CNTN1: variants seen among roughly 807,000 people sequenced by gnomAD.
The protein encoded by CNTN1 is contactin 1.
CNTN1 carries 38 observed loss-of-function variants against 126.4 expected under a neutral mutation model. The observed-to-expected ratio is 0.30, with a 90% confidence interval of 0.23 to 0.39. CNTN1 has a LOEUF of 0.39. Among genes scored for constraint, CNTN1 ranks in the 10% least tolerant of loss-of-function variants. CNTN1 has a pLI of 1.00. For synonymous variants in CNTN1, 413 were observed against 422.6 expected, an observed-to-expected ratio of 0.98 and a Z score of 0.28; for missense variants, 1,009 against 1,248.4, an observed-to-expected ratio of 0.81 and a Z score of 2.89.
intron 1 of CNTN1, among the ~76,000 whole-genome samples, chr12:40,802,932 T>A (rs149152707): frequency 6.6e-6 from 1 of 152,158 alleles, no homozygotes; most frequent in Non-Finnish European, 1.5e-5. Context: ...TTGCTTTGAT[T>A]ATCTTTGTCT....
At chr12:40,802,810 T>G (rs955718050) in intron 1 of CNTN1, among the ~76,000 whole-genome samples, 2 of 152,008 alleles carry the variant, frequency 1.3e-5, no homozygotes, top group African/African-American at 4.8e-5. Flanking sequence ...GATATTATCA[T>G]TCTTGGCACT....
At position 40,937,544 on chromosome 12, in the gene CNTN1, A is replaced by T. The variant is rs772365846; in HGVS notation, c.1111-26A>T. On this transcript the variant is annotated intron_variant, in intron 10 of 23. Coordinates refer to ENST00000551295, the MANE Select transcript of CNTN1 (RefSeq NM_001843.4). ...GTATTTCTATTAAAGTTCATTGAGA[A>T]TATGTTTCAATTTTATTCTTTTCAG... 10 of 1,383,036 alleles carry T rather than the reference A, an allele frequency of 7.2e-6. No homozygotes were observed. In the South Asian group the frequency reaches 1.2e-4, roughly 16 times the overall value. The allele number at this position is 1,383,036 out of a possible 1,614,324, so 85.7% of individuals were successfully genotyped here.
intron 1 of CNTN1, among the ~76,000 whole-genome samples, chr12:40,871,284 G>A (rs1478708104): frequency 6.6e-6 from 1 of 151,806 alleles, no homozygotes; most frequent in African/African-American, 2.4e-5. Context: ...AAGCAGGCTG[G>A]AGCTGAGATA....
At chr12:40,874,425 T>C (rs769097642) in intron 1 of CNTN1, among the ~76,000 whole-genome samples, 54 of 152,202 alleles carry the variant, frequency 3.5e-4, no homozygotes, top group Non-Finnish European at 5.9e-4. Flanking sequence ...TGTAGCTCAG[T>C]ATTTATCCTT....
intron 1 of CNTN1, among the ~76,000 whole-genome samples, chr12:40,778,987 A>T (rs116157633): frequency 0.011 from 1,689 of 151,410 alleles, 39 homozygotes; most frequent in African/African-American, 0.039. Context: ...ATATGGAAAA[A>T]TGACTAAAAA....
chr12:41,052,744 T>C (rs1420095788), intron 23 of CNTN1, among the ~76,000 whole-genome samples: 4 of 152,094 alleles, frequency 2.6e-5, no homozygotes, highest in African/African-American at 9.7e-5. Flanking sequence ...ATAAATACTG[T>C]TGGATTACAA....
intron 4 of CNTN1, among the ~76,000 whole-genome samples, chr12:40,921,306 A>G (rs1945435244): frequency 6.6e-6 from 1 of 152,198 alleles, no homozygotes; most frequent in Admixed American, 6.5e-5. Context: ...GCCACGAGCC[A>G]CTACTACTTG....
intron 15 of CNTN1, chr12:40,971,308 A>C: frequency 2.6e-6 from 2 of 769,550 alleles, no homozygotes; most frequent in South Asian, 3.5e-5. Context: ...AGGGGAAGAT[A>C]CCTTTCTGTG....
intron 1 of CNTN1, among the ~76,000 whole-genome samples, chr12:40,747,352 G>GGTGGTCA (rs1165940763): frequency 3.6e-5 from 5 of 140,310 alleles, no homozygotes; most frequent in African/African-American, 1.1e-4. Context: ...TTTTAGATAA[G>GGTGGTCA]GTGGTCAGAG....
intron 1 of CNTN1, among the ~76,000 whole-genome samples, chr12:40,755,348 G>T (rs1938565786): frequency 6.6e-6 from 1 of 151,452 alleles, no homozygotes; most frequent in African/African-American, 2.4e-5. Flanking sequence ...ACTTATCTGG[G>T]AAAAGAGAAG....
chr12:40,954,666 G>A (rs368996916), intron 14 of CNTN1, among the ~76,000 whole-genome samples: 1 of 152,036 alleles, frequency 6.6e-6, no homozygotes, highest in Non-Finnish European at 1.5e-5. Flanking sequence ...TCCATGCTTC[G>A]CTAGAAGGTA....
At chr12:40,875,512 T>C (rs987774649) in intron 1 of CNTN1, among the ~76,000 whole-genome samples, 1 of 152,044 alleles carries the variant, frequency 6.6e-6, no homozygotes, top group Non-Finnish European at 1.5e-5. Context: ...GAAAGTCAAT[T>C]CCAAAAGGTT....
intron 1 of CNTN1, among the ~76,000 whole-genome samples, chr12:40,795,874 TTTAC>T (rs1397252495): frequency 6.6e-6 from 1 of 152,130 alleles, no homozygotes; most frequent in African/African-American, 2.4e-5. Context: ...TTTTAAATTT[TTTAC>T]TTAAGTAATC....
At chr12:40,999,194 CTT>C (rs1196308107) in intron 17 of CNTN1, among the ~76,000 whole-genome samples, 2 of 152,010 alleles carry the variant, frequency 1.3e-5, no homozygotes, top group African/African-American at 4.8e-5. Context: ...CAGAAGCACT[CTT>C]ATAAGCATCA....
intron 1 of CNTN1, among the ~76,000 whole-genome samples, chr12:40,875,240 G>T (rs757357820): frequency 3.9e-5 from 6 of 152,052 alleles, no homozygotes; most frequent in Non-Finnish European, 8.8e-5. Context: ...GCATGTTGTT[G>T]TAATACTATT....
chr12:40,958,826 A>G (rs529308169), intron 14 of CNTN1, among the ~76,000 whole-genome samples: 12 of 152,216 alleles, frequency 7.9e-5, no homozygotes, highest in Admixed American at 1.3e-4. Flanking sequence ...AGAGATATCA[A>G]TGAAATAGTT....
At chr12:41,053,130 A>G (rs970675303) in intron 23 of CNTN1, among the ~76,000 whole-genome samples, 2 of 151,644 alleles carry the variant, frequency 1.3e-5, no homozygotes, top group African/African-American at 4.8e-5. Context: ...TGAAGTAGAA[A>G]AAATAATGAT....
chr12:40,943,974 T>C (rs1373272745), intron 13 of CNTN1, 21 bp from the exon 14 acceptor site: 2 of 1,607,582 alleles, frequency 1.2e-6, no homozygotes, highest in South Asian at 2.2e-5. Flanking sequence ...TGAATTGTGC[T>C]TTACATTTAA....
intron 17 of CNTN1, among the ~76,000 whole-genome samples, chr12:41,007,615 G>GT (rs1948534874): frequency 6.6e-6 from 1 of 152,154 alleles, no homozygotes; most frequent in South Asian, 2.1e-4. Flanking sequence ...AAATTTTATA[G>GT]TCAGGTTTGA....
Sources: gnomAD v4.1 joint callset for allele counts (sites outside exome capture counted in the v4.1 genomes callset) on GRCh38, gnomAD v4.1.1 for gene constraint, MANE v1.5 for transcripts, NCBI Gene and HGNC (gene_info 2026-07-23, HGNC 2026-07-21) for gene names.